The following TOX3 variants were observed in gnomAD, a reference collection of about 807,000 sequenced individuals.
TOX3 encodes TOX high mobility group box family member 3.
TOX3 carries 22 observed loss-of-function variants against 64.3 expected under a neutral mutation model. The observed-to-expected ratio is 0.34, with a 90% confidence interval of 0.24 to 0.49. TOX3 has a LOEUF of 0.49. Ranked by LOEUF, TOX3 falls within the 20% of genes least tolerant of loss-of-function variation. TOX3 has a pLI of 0.99. For synonymous variants in TOX3, 291 were observed against 273.6 expected (o/e 1.06, Z -0.63); for missense variants, 661 against 714.4 (o/e 0.93, Z 0.85).
At chr16:52,541,548 T>C (rs967028826) in intron 1 of TOX3, among the ~76,000 whole-genome samples, 3 of 152,206 alleles carry the variant, frequency 2.0e-5, no homozygotes, top group Non-Finnish European at 4.4e-5. Context: ...TCCAGATTTA[T>C]ATGCAAAGTT....
intron 1 of TOX3, among the ~76,000 whole-genome samples, chr16:52,542,661 T>C (rs1335412942): frequency 1.3e-5 from 2 of 152,112 alleles, no homozygotes; most frequent in East Asian, 3.9e-4. Context: ...GACAATTGAG[T>C]TTATGCCCCC....
intron 6 of TOX3, among the ~76,000 whole-genome samples, chr16:52,440,752 CTTTTTTTTTTTT>C (rs60615310): frequency 6.0e-5 from 4 of 66,606 alleles, no homozygotes; most frequent in Admixed American, 1.9e-4. Flanking sequence ...TTCTTTCTTT[CTTTTTTTTTTTT>C]TTTTTTTTTT....
chr16:52,516,317 A>G (rs948605553), intron 1 of TOX3, among the ~76,000 whole-genome samples: 1 of 152,206 alleles, frequency 6.6e-6, no homozygotes, highest in African/African-American at 2.4e-5. Context: ...AATTACAAAG[A>G]TTTCCCAATA....
At chr16:52,480,497 C>A (rs988335612) in intron 1 of TOX3, among the ~76,000 whole-genome samples, 1 of 152,148 alleles carries the variant, frequency 6.6e-6, no homozygotes, top group East Asian at 1.9e-4. Flanking sequence ...TCCTGGGCAT[C>A]ACTTCTTGCA....
At chr16:52,546,091 G>A (rs972188258) in intron 1 of TOX3, among the ~76,000 whole-genome samples, 6 of 152,156 alleles carry the variant, frequency 3.9e-5, no homozygotes, top group Non-Finnish European at 8.8e-5. Flanking sequence ...GGCAGCAAAG[G>A]CCACCTGCGG....
chr16:52,497,654 C>T (rs556586474), intron 1 of TOX3, among the ~76,000 whole-genome samples: 1 of 152,124 alleles, frequency 6.6e-6, no homozygotes, highest in Admixed American at 6.5e-5. Flanking sequence ...GCACTTAAGA[C>T]AACACCTACC....
chr16:52,530,493 C>T (rs770875233), intron 1 of TOX3, among the ~76,000 whole-genome samples: 25 of 151,986 alleles, frequency 1.6e-4, no homozygotes, highest in South Asian at 4.2e-4. Flanking sequence ...CCTGCCACCA[C>T]GCCCGGCTAC....
chr16:52,505,848 T>C (rs1353155588), intron 1 of TOX3, among the ~76,000 whole-genome samples: 2 of 152,046 alleles, frequency 1.3e-5, no homozygotes, highest in Non-Finnish European at 2.9e-5. Context: ...TGGTGGCACA[T>C]GCCTGTAGTC....
chr16:52,516,226 T>C (rs1218085883), intron 1 of TOX3, among the ~76,000 whole-genome samples: 6 of 152,208 alleles, frequency 3.9e-5, no homozygotes, highest in Non-Finnish European at 8.8e-5. Context: ...AATCATTGCA[T>C]TTAATATTTT....
At chr16:52,495,215 T>C (rs1185935830) in intron 1 of TOX3, among the ~76,000 whole-genome samples, 1 of 152,052 alleles carries the variant, frequency 6.6e-6, no homozygotes, top group African/African-American at 2.4e-5. Context: ...TTGAAAGGAG[T>C]TGGGAGCCCA....
intron 3 of TOX3, among the ~76,000 whole-genome samples, chr16:52,460,570 A>T (rs1270144005): frequency 6.6e-6 from 1 of 152,196 alleles, no homozygotes; most frequent in African/African-American, 2.4e-5. Context: ...TGAATCCCCC[A>T]GTAACTTTCA....
chr16:52,454,254 A>C (rs1960448561), intron 3 of TOX3, among the ~76,000 whole-genome samples: 3 of 151,906 alleles, frequency 2.0e-5, no homozygotes, highest in Non-Finnish European at 4.4e-5. Context: ...AAAAAAAAAG[A>C]TTATTTTGCA....
Position 52,528,146 on chromosome 16 carries a change from T to C in TOX3, c.87+18491A>G, listed in dbSNP as rs139852916. ...AGTAGGATTCTTCTCCCAGAGTCTA[T>C]GTTCAGCAACTTAACCAGATGTTAA... On this transcript the variant is annotated intron_variant, in intron 1 of 6. Coordinates refer to ENST00000219746, the MANE Select transcript of TOX3 (RefSeq NM_001080430.4). Among the ~76,000 whole-genome samples the C allele has an allele frequency of 3.6e-3, 551 of 152,356 alleles. 3 individuals carry two copies. The highest frequency in any genetic ancestry group is 0.012 in the Admixed American group (181 of 15,302).
intron 1 of TOX3, among the ~76,000 whole-genome samples, chr16:52,538,731 T>C (rs1963014196): frequency 6.6e-6 from 1 of 152,150 alleles, no homozygotes; most frequent in Non-Finnish European, 1.5e-5. Flanking sequence ...TGAATTAAGA[T>C]TAAAGATAGA....
chr16:52,529,555 G>A (rs537667924), intron 1 of TOX3, among the ~76,000 whole-genome samples: 1 of 152,184 alleles, frequency 6.6e-6, no homozygotes, highest in African/African-American at 2.4e-5. Flanking sequence ...TCAAAGCAAG[G>A]AAAAAGTAAA....
rs2151755854 is a variant in TOX3, at chr16:52,464,081, G to C, written c.261C>G (p.Pro87=). The C allele has an allele frequency of 6.2e-7, 1 of 1,604,954 alleles. No homozygotes were observed. The highest frequency in any genetic ancestry group is 8.5e-7 in the Non-Finnish European group (1 of 1,176,066). ...PALGMPDVLL[P]FQALSDPLPS... ...GCAATGGATCGCTGAGGGCTTGAAAGGGTAGCAGTACATCCGGCATGCCTA... is the reference window on the plus strand; with the variant it reads ...GCAATGGATCGCTGAGGGCTTGAAACGGTAGCAGTACATCCGGCATGCCTA... The change falls in exon 3 of 7, where the codon CCC becomes CCG. Residue 87 remains proline (P), a synonymous_variant. Transcript: ENST00000219746.
At chr16:52,495,629 G>T (rs1355308292) in intron 1 of TOX3, among the ~76,000 whole-genome samples, 1 of 152,176 alleles carries the variant, frequency 6.6e-6, no homozygotes, top group Non-Finnish European at 1.5e-5. Context: ...CGCAGAATTT[G>T]AAGCCAGTCT....
chr16:52,444,419 CT>C, intron 5 of TOX3, 63 bp from the exon 6 acceptor site: 1 of 1,363,750 alleles, frequency 7.3e-7, no homozygotes, highest in South Asian at 1.4e-5. Flanking sequence ...AAAATAGCTG[CT>C]GCACAAATTA....
intron 3 of TOX3, among the ~76,000 whole-genome samples, chr16:52,456,354 A>C (rs769947797): frequency 1.6e-4 from 24 of 152,258 alleles, no homozygotes; most frequent in Non-Finnish European, 2.9e-4. Flanking sequence ...CCCAAAGATT[A>C]ACATTTGCAG....
Sources: allele counts gnomAD v4.1 joint callset (sites outside exome capture counted in the v4.1 genomes callset), GRCh38; gene constraint gnomAD v4.1.1; transcripts MANE v1.5; gene names NCBI Gene and HGNC (gene_info 2026-07-23, HGNC 2026-07-21).